The following RYR2 variants were observed in gnomAD, a reference collection of about 807,000 sequenced individuals.
RYR2 encodes the protein ryanodine receptor 2, also known as cardiac muscle ryanodine receptor-calcium release channel.
A neutral mutation model predicts 601.1 loss-of-function variants in RYR2; 227 were observed. That is an observed-to-expected ratio of 0.38 (90% CI 0.34 to 0.42). The LOEUF (loss-of-function observed/expected upper bound fraction) is 0.42. Ranked by LOEUF, RYR2 falls within the 10% of genes least tolerant of loss-of-function variation. RYR2 has a pLI of 1.00. For synonymous variants in RYR2, 2,223 were observed against 2,175.1 expected (o/e 1.02, Z -0.61); for missense variants, 4,646 against 6,156.5 (o/e 0.75, Z 8.21).
At chr1:237,379,866 T>C (rs1701308299) in intron 8 of RYR2, among the ~76,000 whole-genome samples, 1 of 152,216 alleles carries the variant, frequency 6.6e-6, no homozygotes, top group South Asian at 2.1e-4. Context: ...ACCAGGTTGT[T>C]AAAATTTCAC....
intron 4 of RYR2, among the ~76,000 whole-genome samples, chr1:237,356,415 A>G (rs116603756): frequency 0.01 from 1,521 of 149,006 alleles, 27 homozygotes; most frequent in African/African-American, 0.036. Flanking sequence ...ATATAGTCAT[A>G]GAAAGTCATA....
intron 58 of RYR2, among the ~76,000 whole-genome samples, chr1:237,670,747 A>AT (rs958571395): frequency 3.9e-5 from 6 of 152,148 alleles, no homozygotes; most frequent in African/African-American, 9.6e-5. Flanking sequence ...GAAAGTTGAG[A>AT]TTTTTTTCTG....
At chr1:237,717,093 CA>C in intron 71 of RYR2, 104 bp from the exon 72 acceptor site, 1 of 960,136 alleles carries the variant, frequency 1.0e-6, no homozygotes, top group South Asian at 1.8e-5. Flanking sequence ...AACTAGGGAG[CA>C]GCAGAAAATG....
intron 1 of RYR2, among the ~76,000 whole-genome samples, chr1:237,202,900 T>G (rs1254616944): frequency 1.3e-5 from 2 of 152,196 alleles, no homozygotes; most frequent in Admixed American, 1.3e-4. Flanking sequence ...ACATTGTGAA[T>G]GCTCAGCCCT....
intron 38 of RYR2, among the ~76,000 whole-genome samples, chr1:237,618,145 G>C (rs999416922): frequency 1.3e-5 from 2 of 151,940 alleles, no homozygotes; most frequent in Non-Finnish European, 2.9e-5. Flanking sequence ...CTCTATCCAG[G>C]GTAGCTCAGA....
At chr1:237,069,097 A>T (rs1177768608) in intron 1 of RYR2, among the ~76,000 whole-genome samples, 1 of 152,184 alleles carries the variant, frequency 6.6e-6, no homozygotes, top group African/African-American at 2.4e-5. Flanking sequence ...TTTAAAAATG[A>T]TATTAAATTC....
chr1:237,752,306 C>T (rs946394012), intron 80 of RYR2, among the ~76,000 whole-genome samples: 7 of 152,098 alleles, frequency 4.6e-5, no homozygotes, highest in Non-Finnish European at 8.8e-5. Flanking sequence ...GTGCACACCA[C>T]GAAGCCTGGC....
At chr1:237,242,204 TTGTTTG>T (rs1686263993) in intron 1 of RYR2, among the ~76,000 whole-genome samples, 1 of 9,058 alleles carries the variant, frequency 1.1e-4, no homozygotes, top group African/African-American at 1.2e-4. Context: ...TTTTTTTTGT[TTGTTTG>T]TTTGTTTGTT....
At chr1:237,195,794 T>G (rs1680497363) in intron 1 of RYR2, among the ~76,000 whole-genome samples, 3 of 152,194 alleles carry the variant, frequency 2.0e-5, no homozygotes, top group Admixed American at 2.0e-4. Flanking sequence ...CACTTCATTG[T>G]GCAGAAATGA....
chr1:237,811,404 A>G (rs1661237258), intron 100 of RYR2, among the ~76,000 whole-genome samples: 1 of 152,228 alleles, frequency 6.6e-6, no homozygotes, highest in Non-Finnish European at 1.5e-5. Context: ...TCATTAATAT[A>G]GAATTGCCCA....
At chr1:237,187,209 C>T (rs1235832233) in intron 1 of RYR2, among the ~76,000 whole-genome samples, 2 of 150,748 alleles carry the variant, frequency 1.3e-5, no homozygotes, top group Non-Finnish European at 2.9e-5. Context: ...CTCACTCTGT[C>T]GCTCAGGCTG....
chr1:237,103,427 A>G (rs1668335604), intron 1 of RYR2, among the ~76,000 whole-genome samples: 1 of 152,160 alleles, frequency 6.6e-6, no homozygotes, highest in Non-Finnish European at 1.5e-5. Flanking sequence ...GAAGTAAGCA[A>G]CGTGAAGAAC....
At position 237,347,183 on chromosome 1, in the gene RYR2, C is replaced by T. The variant is rs151332818; in HGVS notation, c.274-8782C>T. ...CAAAAAATTTAAAAAACTAGCTGGA[C>T]GTGGTGGTGCGCACCTGTAGTCCCA... On this transcript the variant is annotated intron_variant, in intron 3 of 104. Transcript: ENST00000366574. Among the ~76,000 whole-genome samples, 429 of 152,006 alleles carry T rather than the reference C, an allele frequency of 2.8e-3. 1 individual carries two copies. Among genetic ancestry groups the T allele is most frequent in the African/African-American group, 9.6e-3 (399 of 41,470 alleles).
intron 1 of RYR2, among the ~76,000 whole-genome samples, chr1:237,113,516 G>C (rs1431611972): frequency 6.6e-6 from 1 of 152,076 alleles, no homozygotes; most frequent in Admixed American, 6.6e-5. Flanking sequence ...TCTTTTAGAA[G>C]ACTCTGTCCC....
chr1:237,249,788 C>A (rs533217214), intron 1 of RYR2, among the ~76,000 whole-genome samples: 21 of 152,250 alleles, frequency 1.4e-4, no homozygotes, highest in African/African-American at 4.8e-4. Context: ...AAATTTGCAT[C>A]TTTTTACTCA....
At chr1:237,504,468 G>A (rs931249238) in intron 22 of RYR2, among the ~76,000 whole-genome samples, 1 of 152,154 alleles carries the variant, frequency 6.6e-6, no homozygotes, top group African/African-American at 2.4e-5. Flanking sequence ...AAATCACAAT[G>A]GTGGAATGTC....
At chr1:237,335,602 A>T (rs1299066705) in intron 3 of RYR2, among the ~76,000 whole-genome samples, 1 of 152,064 alleles carries the variant, frequency 6.6e-6, no homozygotes, top group Admixed American at 6.5e-5. Flanking sequence ...CGGGTGAATT[A>T]TTTCTGGGGG....
At chr1:237,722,134 C>A (rs919627286) in intron 73 of RYR2, among the ~76,000 whole-genome samples, 12 of 152,054 alleles carry the variant, frequency 7.9e-5, no homozygotes, top group African/African-American at 2.7e-4. Context: ...TATATCCTTG[C>A]CCATAAAAGT....
chr1:237,176,950 T>C (rs1284926689), intron 1 of RYR2, among the ~76,000 whole-genome samples: 1 of 152,188 alleles, frequency 6.6e-6, no homozygotes, highest in Non-Finnish European at 1.5e-5. Context: ...TTTGAGATGT[T>C]TATAGAGGAG....
Sources: gnomAD v4.1 joint callset for allele counts (sites outside exome capture counted in the v4.1 genomes callset) on GRCh38, gnomAD v4.1.1 for gene constraint, MANE v1.5 for transcripts, NCBI Gene and HGNC (gene_info 2026-07-23, HGNC 2026-07-21) for gene names.